CSMD1: variants seen among roughly 807,000 people sequenced by gnomAD.
The protein encoded by CSMD1 is CUB and sushi domain-containing protein 1.
Under a neutral mutation model 417.5 loss-of-function variants are expected in CSMD1, and 213 were observed. The observed-to-expected ratio is 0.51, with a 90% CI of 0.46 to 0.57. CSMD1 has a LOEUF of 0.57. Ranked by LOEUF, CSMD1 falls within the 20% of genes least tolerant of loss-of-function variation. The pLI, the probability that CSMD1 is intolerant of heterozygous loss-of-function variation, is 0.00. For synonymous variants in CSMD1, 2,862 were observed against 1,736.8 expected, an observed-to-expected ratio of 1.65 and a Z score of -16.11; for missense variants, 6,923 against 4,529.7, an observed-to-expected ratio of 1.53 and a Z score of -15.17.
At chr8:3,748,160 A>C (rs1678586608) in intron 6 of CSMD1, among the ~76,000 whole-genome samples, 1 of 152,248 alleles carries the variant, frequency 6.6e-6, no homozygotes, top group African/African-American at 2.4e-5. Context: ...GAGACTTTAC[A>C]AGAATCTTTT....
intron 26 of CSMD1, among the ~76,000 whole-genome samples, chr8:3,235,845 G>A (rs1209688834): frequency 6.6e-6 from 1 of 150,412 alleles, no homozygotes. Context: ...TGAAGTTCAT[G>A]TTGTCTAATA....
At chr8:3,814,674 A>T (rs1474691942) in intron 5 of CSMD1, among the ~76,000 whole-genome samples, 1 of 152,198 alleles carries the variant, frequency 6.6e-6, no homozygotes, top group East Asian at 1.9e-4. Context: ...TAGTGCTGAG[A>T]TGGAGACATT....
chr8:3,729,745 G>T (rs1802713738), intron 6 of CSMD1, among the ~76,000 whole-genome samples: 1 of 151,968 alleles, frequency 6.6e-6, no homozygotes, highest in East Asian at 1.9e-4. Flanking sequence ...GATTTTAAAA[G>T]CTCTCACCAC....
chr8:3,562,979 C>G lies in CSMD1; in HGVS notation c.1344+11966G>C, dbSNP rs538038644. On this transcript the variant is annotated intron_variant, in intron 10 of 69. Transcript: ENST00000635120. ...TATTTTTAATTGCATTCTATTAGCC[C>G]AAAACTCTTCACAAGATAATATGAA... is the stretch of plus-strand genomic sequence containing the variant. Among the ~76,000 whole-genome samples the G allele has an allele frequency of 6.6e-5, 10 of 151,642 alleles. No homozygotes were observed. In the South Asian group the frequency reaches 2.1e-3, roughly 32 times the overall value.
intron 12 of CSMD1, among the ~76,000 whole-genome samples, chr8:3,423,220 T>C (rs1037618685): frequency 6.6e-6 from 1 of 152,218 alleles, no homozygotes; most frequent in African/African-American, 2.4e-5. Flanking sequence ...GGAGTCTTAA[T>C]TTAATTTGAC....
At chr8:4,255,180 G>C (rs1192083183) in intron 3 of CSMD1, among the ~76,000 whole-genome samples, 1 of 152,168 alleles carries the variant, frequency 6.6e-6, no homozygotes, top group African/African-American at 2.4e-5. Context: ...ATGCTGGAAA[G>C]AGCATGATGG....
chr8:3,640,151 G>T (rs187165991), intron 7 of CSMD1, among the ~76,000 whole-genome samples: 2 of 152,104 alleles, frequency 1.3e-5, no homozygotes, highest in African/African-American at 2.4e-5. Flanking sequence ...GTAAGACTTC[G>T]CTCTGAGAAA....
At chr8:3,471,659 C>CCCTCCCT (rs1817111170) in intron 11 of CSMD1, among the ~76,000 whole-genome samples, 1 of 140,626 alleles carries the variant, frequency 7.1e-6, no homozygotes, top group Non-Finnish European at 1.5e-5. Flanking sequence ...CTCCTTCCTT[C>CCCTCCCT]CTTTCCCTCC....
chr8:4,303,340 T>A (rs377215931), intron 3 of CSMD1, among the ~76,000 whole-genome samples: 101 of 151,844 alleles, frequency 6.7e-4, no homozygotes, highest in African/African-American at 1.8e-3. Context: ...GAAGCAAAAA[T>A]TAGCATCTTC....
At chr8:4,882,587 C>A (rs1366680881) in intron 1 of CSMD1, among the ~76,000 whole-genome samples, 1 of 151,764 alleles carries the variant, frequency 6.6e-6, no homozygotes, top group African/African-American at 2.4e-5. Flanking sequence ...CATTCAACCC[C>A]AAGCATAGAG....
chr8:4,573,413 C>T (rs968420389), intron 2 of CSMD1, among the ~76,000 whole-genome samples: 3 of 152,136 alleles, frequency 2.0e-5, no homozygotes, highest in Admixed American at 6.6e-5. Context: ...GCTGGAGGTC[C>T]ACTCCAGACC....
intron 5 of CSMD1, among the ~76,000 whole-genome samples, chr8:3,796,943 AATGAAG>A (rs1800187362): frequency 6.6e-6 from 1 of 151,796 alleles, no homozygotes; most frequent in Non-Finnish European, 1.5e-5. Context: ...GTTAATATGT[AATGAAG>A]ATGAAGTATA....
intron 10 of CSMD1, among the ~76,000 whole-genome samples, chr8:3,524,559 A>C (rs1376929897): frequency 6.6e-6 from 1 of 151,478 alleles, no homozygotes; most frequent in Non-Finnish European, 1.5e-5. Flanking sequence ...ATGCACACAC[A>C]CATGCATACC....
chr8:4,042,740 C>G lies in CSMD1; in HGVS notation c.416-10641G>C, dbSNP rs1351895663. Among the ~76,000 whole-genome samples the G allele has an allele frequency of 2.1e-5, 3 of 144,744 alleles. No individual in the cohort carries two copies. The East Asian group carries it at 6.1e-4, about 29-fold the overall frequency. 95.0% of individuals were successfully genotyped at this position (144,744 alleles called of 152,430 possible). A position where few individuals can be genotyped will look rare whatever the true frequency, so the allele number is the denominator to read the frequency against. On this transcript the variant is annotated intron_variant, in intron 3 of 69. Coordinates refer to ENST00000635120, the MANE Select transcript of CSMD1 (RefSeq NM_033225.6). ...AGTGACAGAAATGACAGCAATACCA[C>G]AGAGGCTGGGTAAGAAGAAAGGAGA...
At position 3,201,599 on chromosome 8, in the gene CSMD1, C is replaced by T. The variant is rs770134705; in HGVS notation, c.5098+13G>A. On this transcript the variant is annotated intron_variant, in intron 32 of 69. Transcript: ENST00000635120. ...TCTGAACTAAATTAAGGGCAAAATT[C>T]TTTAAGACTTACCTGAGTGAGACCC... The T allele has an allele frequency of 2.0e-6, 3 of 1,537,234 alleles. No individual in the cohort carries two copies. Among genetic ancestry groups the T allele is most frequent in the South Asian group, 2.4e-5 (2 of 84,602 alleles).
At chr8:3,843,547 AC>A (rs1757156166) in intron 5 of CSMD1, among the ~76,000 whole-genome samples, 2 of 152,276 alleles carry the variant, frequency 1.3e-5, no homozygotes, top group East Asian at 1.9e-4. Flanking sequence ...TAAAAAAAAA[AC>A]AAGTTATTCA....
chr8:3,616,825 TG>T, intron 7 of CSMD1, 28 bp from the exon 8 acceptor site: 1 of 1,489,594 alleles, frequency 6.7e-7, no homozygotes, highest in Non-Finnish European at 9.3e-7. Context: ...ATTGTCAAAA[TG>T]CTGTATAGTT....
chr8:3,416,341 T>C (rs936786293), intron 12 of CSMD1, among the ~76,000 whole-genome samples: 8 of 147,116 alleles, frequency 5.4e-5, no homozygotes, highest in East Asian at 4.0e-4. Context: ...TCTTTAGATA[T>C]AGTTTAGAAA....
At chr8:3,526,149 CAATT>C (rs1364468574) in intron 10 of CSMD1, among the ~76,000 whole-genome samples, 1 of 152,076 alleles carries the variant, frequency 6.6e-6, no homozygotes, top group African/African-American at 2.4e-5. Flanking sequence ...TGGCAAGTTT[CAATT>C]AATTCAGAAA....
Sources: gnomAD v4.1 joint callset for allele counts (sites outside exome capture counted in the v4.1 genomes callset) on GRCh38, gnomAD v4.1.1 for gene constraint, MANE v1.5 for transcripts, NCBI Gene and HGNC (gene_info 2026-07-23, HGNC 2026-07-21) for gene names.